The following NGEF variants were observed in gnomAD, a reference collection of about 807,000 sequenced individuals.
NGEF encodes the protein neuronal guanine nucleotide exchange factor.
A neutral mutation model predicts 80.9 loss-of-function variants in NGEF; 31 were observed. The observed-to-expected ratio is 0.38, with a 90% CI of 0.29 to 0.52. The LOEUF is 0.52. Among genes scored for constraint, NGEF ranks in the 20% least tolerant of loss-of-function variants. The pLI, the probability that NGEF is intolerant of heterozygous loss-of-function variation, is 0.84. For synonymous variants in NGEF, 371 were observed against 370.2 expected (o/e 1.00, Z -0.03); for missense variants, 709 against 926.2 (o/e 0.77, Z 3.04).
intron 3 of NGEF, among the ~76,000 whole-genome samples, chr2:232,965,209 G>A (rs1254993215): frequency 6.6e-6 from 1 of 152,164 alleles, no homozygotes; most frequent in South Asian, 2.1e-4. Flanking sequence ...TGTTGCCGTT[G>A]CTGTTGGTAT....
At chr2:232,927,914 G>C in intron 3 of NGEF, 1 of 1,325,712 alleles carries the variant, frequency 7.5e-7, no homozygotes, top group Non-Finnish European at 9.6e-7. Flanking sequence ...GTGTCCCGCC[G>C]CCGAGTCGCG....
chr2:232,926,824 CAG>C (rs1356458964), intron 4 of NGEF, among the ~76,000 whole-genome samples: 12 of 152,198 alleles, frequency 7.9e-5, no homozygotes, highest in African/African-American at 2.2e-4. Context: ...GAGAGCAGGA[CAG>C]AAATGTTTGC....
At chr2:232,998,840 G>A (rs990036883) in intron 1 of NGEF, among the ~76,000 whole-genome samples, 1 of 152,156 alleles carries the variant, frequency 6.6e-6, no homozygotes, top group Admixed American at 6.5e-5. Context: ...CTGGGCACTC[G>A]ACACACCCCA....
chr2:232,985,128 C>T (rs1559235465), intron 1 of NGEF, among the ~76,000 whole-genome samples: 1 of 152,136 alleles, frequency 6.6e-6, no homozygotes. Flanking sequence ...GATACCTGGC[C>T]GTGTTCTCCT....
At position 232,905,630 on chromosome 2, in the gene NGEF, C is replaced by G. The variant is rs185379244; in HGVS notation, c.829-10714G>C. Reference sequence around the variant, plus strand: ...CTGGAAAGTGAGGAGCGTCTCTGCCCGGCCGCCATCCCACCTGGGAAGTGA... The same window carrying G: ...CTGGAAAGTGAGGAGCGTCTCTGCCGGGCCGCCATCCCACCTGGGAAGTGA... On this transcript the variant is annotated intron_variant, in intron 5 of 14. Transcript: ENST00000264051. The G allele has an allele frequency of 4.3e-4, 150 of 345,250 alleles. 1 individual carries two copies. Among genetic ancestry groups the G allele is most frequent in the African/African-American group, 2.4e-3 (105 of 43,916 alleles). 21.4% of individuals were successfully genotyped at this position (345,250 alleles called of 1,614,324 possible).
Position 232,894,776 on chromosome 2 carries a change from G to T in NGEF, c.969C>A (p.Asp323Glu), listed in dbSNP as rs545434272. The change falls in exon 6 of 15, where the codon GAC becomes GAA. Residue 323 changes from aspartate to glutamate, a missense_variant. By Grantham distance (45) the Asp-to-Glu change is conservative (BLOSUM62 2). Coordinates refer to ENST00000264051, the MANE Select transcript of NGEF (RefSeq NM_019850.3). ...EAHILFSNVL[D>E]VLAVSERFLL... The stretch of plus-strand genomic sequence containing the variant: ...CTCACCGCTCACTGACAGCCAGCAC[G>T]TCCAGGACGTTGGAGAAGAGGATGT... 2.5e-6 allele frequency: 4 copies of T among 1,605,730 alleles called. No homozygotes were observed. The highest frequency in any genetic ancestry group is 2.2e-5 in the East Asian group (1 of 44,680).
chr2:233,000,786 A>G lies in NGEF; in HGVS notation c.-75+12282T>C, dbSNP rs148344647. On this transcript the variant is annotated intron_variant, in intron 1 of 14. Transcript: ENST00000264051. ...AAAAAAAAAAAAAACGAAAAAACCT[A>G]AATGCCTCCCAGAGGTCCCATCTCC... is the stretch of plus-strand genomic sequence containing the variant. 4.7e-3 allele frequency among the ~76,000 whole-genome samples: 718 copies of G among 151,526 alleles called. 8 individuals are homozygous for G. Among genetic ancestry groups the G allele is most frequent in the African/African-American group, 0.017 (700 of 41,318 alleles).
chr2:232,890,840 T>C, intron 8 of NGEF: 1 of 463,180 alleles, frequency 2.2e-6, no homozygotes, highest in Non-Finnish European at 4.5e-6. Context: ...CAGGACCCAA[T>C]GTCTTCCCTG....
Position 232,892,878 on chromosome 2 carries a change from C to T in NGEF, c.1142+20G>A. The T allele has an allele frequency of 6.2e-7, 1 of 1,609,824 alleles. No individual in the cohort carries two copies. The stretch of plus-strand genomic sequence containing the variant: ...CGGGCACCTCCCCCTGCCCCTGAGC[C>T]CCTTGCCGGATACACTCACAGCAGC... On this transcript the variant is annotated intron_variant, in intron 7 of 14. Transcript: ENST00000264051. The surrounding 1 kb of genome is among the most constrained non-coding windows in gnomAD (Gnocchi z 4.0).
intron 14 of NGEF, 141 bp from the exon 15 acceptor site, chr2:232,879,820 A>C (rs1441973548): frequency 5.7e-6 from 4 of 703,866 alleles, no homozygotes; most frequent in Admixed American, 2.8e-5. Flanking sequence ...GCGGCTCTGC[A>C]CACCTCTGCC....
At chr2:232,943,153 T>G (rs1317449070) in intron 3 of NGEF, among the ~76,000 whole-genome samples, 2 of 151,948 alleles carry the variant, frequency 1.3e-5, no homozygotes, top group African/African-American at 4.8e-5. Flanking sequence ...CCTTAATAGG[T>G]CTCTCCTTCC....
In NGEF at chr2:232,899,985, T is replaced by C. The variant is rs1438921722; in HGVS notation, c.829-5069A>G. On this transcript the variant is annotated intron_variant, in intron 5 of 14. Transcript: ENST00000264051. ...AGTCACTCATATACACATTCACTCA[T>C]TCACTCACACACGCTCTCACAGTCA... is the stretch of plus-strand genomic sequence containing the variant. 1.3e-4 allele frequency among the ~76,000 whole-genome samples: 9 copies of C among 70,834 alleles called. 1 individual carries two copies. Among genetic ancestry groups the C allele is most frequent in the Admixed American group, 5.1e-4 (3 of 5,934 alleles). The allele number at this position is 70,834 out of a possible 152,430, so 46.5% of individuals were successfully genotyped here.
At position 232,921,298 on chromosome 2, in the gene NGEF, T is replaced by G. The variant is rs1159372547; in HGVS notation, c.527-713A>C. On this transcript the variant is annotated intron_variant, in intron 4 of 14. Coordinates refer to ENST00000264051, the MANE Select transcript of NGEF (RefSeq NM_019850.3). Reference sequence around the variant, plus strand: ...CCATGTTGGGGTTGGGGGGTTGCCGTGGCTGGGTGGGATGGTGAGGGGTAA... The same window carrying G: ...CCATGTTGGGGTTGGGGGGTTGCCGGGGCTGGGTGGGATGGTGAGGGGTAA... Among the ~76,000 whole-genome samples the G allele has an allele frequency of 3.3e-5, 5 of 151,968 alleles. No individual in the cohort carries two copies. The East Asian group carries it at 9.7e-4, about 29-fold the overall frequency.
At chr2:232,981,861 G>A (rs1441519928) in intron 1 of NGEF, among the ~76,000 whole-genome samples, 1 of 152,228 alleles carries the variant, frequency 6.6e-6, no homozygotes, top group Non-Finnish European at 1.5e-5. Flanking sequence ...TAGGCAAGGT[G>A]AACCCACTGG....
chr2:232,979,273 AG>A (rs931539166), intron 1 of NGEF, among the ~76,000 whole-genome samples: 2 of 151,906 alleles, frequency 1.3e-5, no homozygotes, highest in African/African-American at 4.8e-5. Context: ...ATTAAGAGTC[AG>A]GGGGATTGTC....
chr2:232,959,624 G>A (rs770928192), intron 3 of NGEF, among the ~76,000 whole-genome samples: 5 of 146,864 alleles, frequency 3.4e-5, no homozygotes, highest in African/African-American at 5.0e-5. Flanking sequence ...TTTTTGCCCT[G>A]GCTGGAGTGC....
chr2:233,010,316 G>A (rs181483559), intron 1 of NGEF, among the ~76,000 whole-genome samples: 17 of 152,330 alleles, frequency 1.1e-4, no homozygotes, highest in African/African-American at 3.8e-4. Context: ...TGCTATCTGT[G>A]AACGTATGCT....
At chr2:232,930,422 C>T (rs377107404) in intron 3 of NGEF, among the ~76,000 whole-genome samples, 2 of 151,980 alleles carry the variant, frequency 1.3e-5, no homozygotes, top group Admixed American at 6.6e-5. Flanking sequence ...CGGGTTCAAG[C>T]GATTCTCCTG....
chr2:232,893,670 G>A (rs960941286), intron 6 of NGEF, among the ~76,000 whole-genome samples: 1 of 152,182 alleles, frequency 6.6e-6, no homozygotes, highest in South Asian at 2.1e-4. Flanking sequence ...AGCTACTCGG[G>A]AGGTTGAGGC....
Sources: gnomAD v4.1 joint callset for allele counts (sites outside exome capture counted in the v4.1 genomes callset) on GRCh38, gnomAD v4.1.1 for gene constraint, Gnocchi (gnomAD v3.1) non-coding constraint, MANE v1.5 for transcripts, NCBI Gene and HGNC (gene_info 2026-07-23, HGNC 2026-07-21) for gene names.